DCN: variants seen among roughly 807,000 people sequenced by gnomAD.
The protein encoded by DCN is decorin, also known as bone proteoglycan II.
DCN carries 17 observed loss-of-function variants against 36.5 expected under a neutral mutation model. That is an observed-to-expected ratio of 0.47 (90% confidence interval 0.32 to 0.70). DCN has a LOEUF of 0.70. Among genes scored for constraint, DCN ranks in the 30% least tolerant of loss-of-function variants. The pLI, the probability that DCN is intolerant of heterozygous loss-of-function variation, is 0.04. For synonymous variants in DCN, 163 were observed against 161.4 expected, an observed-to-expected ratio of 1.01 and a Z score of -0.07; for missense variants, 389 against 430.1, an observed-to-expected ratio of 0.90 and a Z score of 0.84.
Position 91,148,721 on chromosome 12 carries a change from C to CAAAAAAAAAAAAAAA in DCN, c.886-2484_886-2470dup, listed in dbSNP as rs5799978. On this transcript the variant is annotated intron_variant, in intron 7 of 7. Coordinates refer to ENST00000052754, the MANE Select transcript of DCN (RefSeq NM_001920.5). ...GGTGACAGAGCGAGACGCTCCGACT[C>CAAAAAAAAAAAAAAA]AAAAAAAAAAAAAAAAAAAAAAAAA... is the stretch of plus-strand genomic sequence containing the variant. Among the ~76,000 whole-genome samples the CAAAAAAAAAAAAAAA allele has an allele frequency of 2.8e-3, 139 of 49,470 alleles. 9 individuals are homozygous for CAAAAAAAAAAAAAAA. The highest frequency in any genetic ancestry group is 5.8e-3 in the African/African-American group (88 of 15,224). The allele number at this position is 49,470 out of a possible 152,430, so 32.5% of individuals were successfully genotyped here.
At chr12:91,180,255 T>C (rs1204441618) in intron 1 of DCN, 1 of 151,118 alleles carries the variant, frequency 6.6e-6, no homozygotes, top group Non-Finnish European at 1.5e-5. Flanking sequence ...TACAGCTGTT[T>C]TGAGTCATTA....
chr12:91,167,334 C>G (rs1342470993), intron 2 of DCN, among the ~76,000 whole-genome samples: 8 of 151,968 alleles, frequency 5.3e-5, no homozygotes, highest in Non-Finnish European at 1.5e-5. Context: ...ATCAGCTAAT[C>G]TATGGTTCCC....
rs1774450271 is a variant in DCN, at chr12:91,145,277, T to C, written c.*781A>G. 6.6e-6 allele frequency: 1 copy of C among 152,240 alleles called. No individual in the cohort carries two copies. The highest frequency in any genetic ancestry group is 2.4e-5 in the African/African-American group (1 of 41,470). 9.4% of individuals were successfully genotyped at this position (152,240 alleles called of 1,614,324 possible). A position where few individuals can be genotyped will look rare whatever the true frequency, so the allele number is the denominator to read the frequency against. Reference sequence around the variant, plus strand: ...ATGAAGTCACATGATAGTTTTAATATTTATTTAGCAGAGGGGTAAATTGAA... The same window carrying C: ...ATGAAGTCACATGATAGTTTTAATACTTATTTAGCAGAGGGGTAAATTGAA... On this transcript the variant is annotated 3_prime_UTR_variant, in exon 8 of 8. Transcript: ENST00000052754.
Position 91,158,287 on chromosome 12 carries a change from T to C in DCN, c.538+9A>G. ...AGTTTTGGTCTTAAAGTTATAAAAA[T>C]GTCTGTACCTATGACAATCATCTGG... On this transcript the variant is annotated intron_variant, in intron 4 of 7. Coordinates refer to ENST00000052754, the MANE Select transcript of DCN (RefSeq NM_001920.5). 6.4e-7 allele frequency: 1 copy of C among 1,561,366 alleles called. No homozygotes were observed. Among genetic ancestry groups the C allele is most frequent in the South Asian group, 1.1e-5 (1 of 90,052 alleles).
At chr12:91,162,321 A>G (rs1283706530) in intron 3 of DCN, among the ~76,000 whole-genome samples, 1 of 151,986 alleles carries the variant, frequency 6.6e-6, no homozygotes, top group East Asian at 1.9e-4. Flanking sequence ...AATCTGGTAT[A>G]TTTTCTTCTA....
chr12:91,164,192 A>T (rs552427161), intron 3 of DCN, among the ~76,000 whole-genome samples: 1 of 152,014 alleles, frequency 6.6e-6, no homozygotes, highest in South Asian at 2.1e-4. Flanking sequence ...CAGGAAGGGG[A>T]ATATCACACT....
chr12:91,157,309 A>G, intron 4 of DCN, 121 bp from the exon 5 acceptor site: 1 of 745,740 alleles, frequency 1.3e-6, no homozygotes, highest in East Asian at 2.6e-5. Flanking sequence ...TTGACTAAAA[A>G]ACAAAAGTGA....
At chr12:91,156,975 G>T in intron 5 of DCN, 100 bp downstream of exon 5, 1 of 787,092 alleles carries the variant, frequency 1.3e-6, no homozygotes, top group Non-Finnish European at 2.2e-6. Flanking sequence ...AATAAGGTTG[G>T]CCTCTTAGGT....
chr12:91,154,300 G>A (rs1165367154), intron 5 of DCN, among the ~76,000 whole-genome samples: 2 of 152,036 alleles, frequency 1.3e-5, no homozygotes, highest in African/African-American at 2.4e-5. Context: ...TGTCTGTTAC[G>A]CACCGAACAT....
chr12:91,179,489 A>G (rs1883484158), intron 1 of DCN: 1 of 152,176 alleles, frequency 6.6e-6, no homozygotes, highest in East Asian at 1.9e-4. Context: ...TACCTCTTTT[A>G]AAGAACTTAT....
At chr12:91,179,051 T>C (rs920419130) in intron 1 of DCN, 6 of 169,440 alleles carry the variant, frequency 3.5e-5, no homozygotes, top group Admixed American at 3.4e-4. Flanking sequence ...TTCTCATCTC[T>C]CCCTAAACTA....
In DCN at chr12:91,157,059, G is replaced by A. The variant is rs1558593; in HGVS notation, c.652+16C>T. The A allele has an allele frequency of 2.7e-5, 41 of 1,509,270 alleles. 1 individual carries two copies. The highest frequency in any genetic ancestry group is 3.6e-5 in the Non-Finnish European group (39 of 1,084,990). The allele number at this position is 1,509,270 out of a possible 1,614,324, so 93.5% of individuals were successfully genotyped here. On this transcript the variant is annotated intron_variant, in intron 5 of 7. Coordinates refer to ENST00000052754, the MANE Select transcript of DCN (RefSeq NM_001920.5). ...AATTTAAATTTTTCAAAATGTTTTG[G>A]AGAATCTTCTATCACCTTGAGGAAT...
rs368917964 is a variant in DCN at position 91,162,087 on chromosome 12, C to T, written c.324+2518G>A. On this transcript the variant is annotated intron_variant, in intron 3 of 7. Transcript: ENST00000052754. ...TCCCGAGTAGCTGGGACTACAGGAGCGCGCCACCATGCCCAGCTAATTTTT... is the reference window on the plus strand; with the variant it reads ...TCCCGAGTAGCTGGGACTACAGGAGTGCGCCACCATGCCCAGCTAATTTTT... Among the ~76,000 whole-genome samples, 3 of 151,904 alleles carry T rather than the reference C, an allele frequency of 2.0e-5. No individual in the cohort carries two copies. In the South Asian group the frequency reaches 6.2e-4, roughly 32 times the overall value.
intron 5 of DCN, among the ~76,000 whole-genome samples, chr12:91,153,414 C>T (rs1459766082): frequency 1.3e-5 from 2 of 151,716 alleles, no homozygotes; most frequent in Non-Finnish European, 2.9e-5. Context: ...TTAACAAAAA[C>T]CTGGATGATT....
At position 91,157,172 on chromosome 12, in the gene DCN, C is replaced by A. The variant is rs147765043; in HGVS notation, c.555G>T (p.Pro185=). Residue 185 remains proline, a synonymous_variant, in exon 5 of 8, where the codon CCG becomes CCT. Transcript: ENST00000052754. The part of the protein sequence containing the change: ...QMIVIELGTN[P]LKSSGIENGA... ...CATTTTCAATTCCTGAGCTCTTCAG[C>A]GGATTGGTGCCCAGTTCTACAAATG... 8.1e-6 allele frequency: 13 copies of A among 1,613,040 alleles called. No homozygotes were observed. The highest frequency in any genetic ancestry group is 8.5e-6 in the Non-Finnish European group (10 of 1,179,072).
intron 7 of DCN, chr12:91,151,291 T>A (rs1488002703): frequency 4.2e-6 from 1 of 237,760 alleles, no homozygotes; most frequent in East Asian, 1.2e-4. Flanking sequence ...AATTCTTGAA[T>A]AATTTGAAAA....
intron 5 of DCN, among the ~76,000 whole-genome samples, chr12:91,156,014 G>A (rs1881743119): frequency 6.6e-6 from 1 of 152,142 alleles, no homozygotes; most frequent in Non-Finnish European, 1.5e-5. Flanking sequence ...CATCTAAGTT[G>A]AGAAAGGGAC....
intron 5 of DCN, 88 bp from the exon 6 acceptor site, chr12:91,153,277 A>C: frequency 1.3e-6 from 1 of 792,770 alleles, no homozygotes; most frequent in Non-Finnish European, 2.3e-6. Flanking sequence ...ATATGCCATC[A>C]ATTTTCTAAA....
intron 2 of DCN, chr12:91,176,402 C>G (rs1883288046): frequency 6.6e-6 from 1 of 152,064 alleles, no homozygotes. Context: ...AGAAAACTTT[C>G]TCATCTGAAA....
Sources: gnomAD v4.1 joint callset for allele counts (sites outside exome capture counted in the v4.1 genomes callset) on GRCh38, gnomAD v4.1.1 for gene constraint, MANE v1.5 for transcripts, NCBI Gene and HGNC (gene_info 2026-07-23, HGNC 2026-07-21) for gene names.